The following RNF40 variants were observed in gnomAD, a reference collection of about 807,000 sequenced individuals.
The protein encoded by RNF40 is ring finger protein 40.
RNF40 carries 39 observed loss-of-function variants against 123.3 expected under a neutral mutation model. The observed-to-expected ratio is 0.32, with a 90% CI of 0.24 to 0.41. RNF40 has a LOEUF of 0.41. Ranked by LOEUF, RNF40 falls within the 10% of genes least tolerant of loss-of-function variation. RNF40 has a pLI of 1.00. For synonymous variants in RNF40, 538 were observed against 526.0 expected (o/e 1.02, Z -0.31); for missense variants, 1,003 against 1,319.9 (o/e 0.76, Z 3.72).
Position 30,775,178 on chromosome 16 carries a change from C to T in RNF40, c.*1064C>T, listed in dbSNP as rs1596768494. The T allele has an allele frequency of 2.8e-6, 1 of 356,370 alleles. No individual in the cohort carries two copies. The highest frequency in any genetic ancestry group is 5.5e-6 in the Non-Finnish European group (1 of 180,222). The allele number at this position is 356,370 out of a possible 1,614,324, so 22.1% of individuals were successfully genotyped here. A position where few individuals can be genotyped will look rare whatever the true frequency, so the allele number is the denominator to read the frequency against. On this transcript the variant is annotated 3_prime_UTR_variant, in exon 20 of 20. Coordinates refer to ENST00000324685, the MANE Select transcript of RNF40 (RefSeq NM_014771.4). ...TAATTGTGATGAATAAACGTTCAAC[C>T]CTCGGCCTGCAGCCAGAGTAGCCAG...
chr16:30,772,259 G>A (rs2054161487), intron 19 of RNF40, 69 bp downstream of exon 19: 1 of 1,253,134 alleles, frequency 8.0e-7, no homozygotes, highest in African/African-American at 1.5e-5. Flanking sequence ...TGAGACTAGT[G>A]GAGAGTCTGG....
chr16:30,765,892 C>G (rs925779070), intron 8 of RNF40, among the ~76,000 whole-genome samples: 2 of 152,168 alleles, frequency 1.3e-5, no homozygotes, highest in African/African-American at 4.8e-5. Flanking sequence ...GGTCACTGTG[C>G]CCTTTTTCCC....
chr16:30,766,966 T>C lies in RNF40; in HGVS notation c.1429+90T>C, dbSNP rs1201892977. The stretch of plus-strand genomic sequence containing the variant: ...TGCTGCTTATCCAGATGCAAGAGGC[T>C]AAGGCCTTTTTTTTCACAGAGCCTC... On this transcript the variant is annotated intron_variant, in intron 11 of 19. Coordinates refer to ENST00000324685, the MANE Select transcript of RNF40 (RefSeq NM_014771.4). This position sits in a 1 kb window ranked among gnomAD's most constrained non-coding sequence, Gnocchi z 5.4. The C allele has an allele frequency of 1.7e-5, 26 of 1,486,616 alleles. No individual in the cohort carries two copies. The South Asian group carries it at 2.2e-4, about 13-fold the overall frequency. The allele number at this position is 1,486,616 out of a possible 1,614,324, so 92.1% of individuals were successfully genotyped here.
intron 4 of RNF40, 59 bp from the exon 5 acceptor site, chr16:30,764,120 G>A: frequency 7.0e-7 from 1 of 1,431,840 alleles, no homozygotes; most frequent in Non-Finnish European, 9.6e-7. Context: ...CTGGAACTTG[G>A]TACAGAGTGG....
chr16:30,768,007 A>G lies in RNF40; in HGVS notation c.1543A>G (p.Ile515Val). 2 of 1,614,246 alleles carry G rather than the reference A, an allele frequency of 1.2e-6. No homozygotes were observed. The highest frequency in any genetic ancestry group is 1.1e-5 in the South Asian group (1 of 91,088). The change falls in exon 12 of 20, where the codon ATT (isoleucine) becomes GTT (valine). Residue 515 changes from isoleucine (I) to valine (V), a missense_variant. Transcript: ENST00000324685. The surrounding 1 kb of genome is among the most constrained non-coding windows in gnomAD (Gnocchi z 4.1). ...GAAGCTTCGAGAAGTACAAGCTGAGATTGGCAAGGTGAGAAGGGGCCTGCC... is the reference window on the plus strand; with the variant it reads ...GAAGCTTCGAGAAGTACAAGCTGAGGTTGGCAAGGTGAGAAGGGGCCTGCC... Reference protein sequence around the residue: ...KRKLREVQAEIGKLRAQASGS... With the variant: ...KRKLREVQAEVGKLRAQASGS...
intron 19 of RNF40, chr16:30,772,417 C>A (rs186619652): frequency 2.2e-4 from 137 of 617,060 alleles, no homozygotes; most frequent in Admixed American, 5.8e-4. Context: ...TGGTCTCTGA[C>A]TTCTTGAAAC....
chr16:30,763,666 A>C, intron 4 of RNF40, 107 bp downstream of exon 4: 11 of 1,178,390 alleles, frequency 9.3e-6, no homozygotes, highest in Non-Finnish European at 1.3e-5. Flanking sequence ...ACTACTTCTC[A>C]CGAAATGGAT....
At chr16:30,762,892 A>G (rs1288753395) in intron 2 of RNF40, among the ~76,000 whole-genome samples, 2 of 152,242 alleles carry the variant, frequency 1.3e-5, no homozygotes, top group Non-Finnish European at 2.9e-5. Flanking sequence ...TGACTTGTCA[A>G]AGACTAAGGA....
In RNF40 at chr16:30,762,344, G is replaced by C; in HGVS notation, c.-88G>C. On this transcript the variant is annotated 5_prime_UTR_variant, in exon 1 of 20. Transcript: ENST00000324685. ...GGTGAAATCCAAGATGGCGGCGCTA[G>C]GCTGACCCTCCTGCTGGTGAGGGCT... The C allele has an allele frequency of 1.8e-6, 1 of 549,970 alleles. No homozygotes were observed. Among genetic ancestry groups the C allele is most frequent in the Non-Finnish European group, 3.1e-6 (1 of 324,762 alleles). The allele number at this position is 549,970 out of a possible 1,614,324, so 34.1% of individuals were successfully genotyped here.
intron 3 of RNF40, 30 bp downstream of exon 3, chr16:30,763,315 C>A: frequency 1.2e-6 from 2 of 1,611,438 alleles, no homozygotes; most frequent in East Asian, 4.5e-5. Flanking sequence ...AAAGACCAGG[C>A]CTTGATTCAG....
At chr16:30,763,328 G>A (rs1447370343) in intron 3 of RNF40, 43 bp downstream of exon 3, 2 of 1,610,356 alleles carry the variant, frequency 1.2e-6, no homozygotes, top group Non-Finnish European at 1.7e-6. Context: ...TGATTCAGCT[G>A]CCAATCCCCA....
chr16:30,762,525 A>C lies in RNF40; in HGVS notation c.-21A>C. On this transcript the variant is annotated 5_prime_UTR_variant, in exon 2 of 20. Transcript: ENST00000324685. ...TTTGACGCCCCTCAGGGGACCCTGCATCGCTCCAGCCGCCGCGGCCATGTC... is the reference window on the plus strand; with the variant it reads ...TTTGACGCCCCTCAGGGGACCCTGCCTCGCTCCAGCCGCCGCGGCCATGTC... 5 of 1,577,266 alleles carry C rather than the reference A, an allele frequency of 3.2e-6. No individual in the cohort carries two copies. The highest frequency in any genetic ancestry group is 4.3e-6 in the Non-Finnish European group (5 of 1,171,956).
At chr16:30,769,442 G>A in intron 16 of RNF40, 33 bp from the exon 17 acceptor site, 1 of 1,614,156 alleles carries the variant, frequency 6.2e-7, no homozygotes, top group Non-Finnish European at 8.5e-7. Context: ...GAGAGGTGGG[G>A]GTCATGGCCC....
At position 30,772,308 on chromosome 16, in the gene RNF40, G is replaced by A. The variant is rs750746427; in HGVS notation, c.2829+118G>A. ...AATGTAGGGCAGCAGAAAGTGGGCA[G>A]CACAGTGGTCACAGAGTCAAATGCT... On this transcript the variant is annotated intron_variant, in intron 19 of 19. Transcript: ENST00000324685. The A allele has an allele frequency of 5.1e-5, 42 of 820,770 alleles. 1 individual carries two copies. In the South Asian group the frequency reaches 5.8e-4, roughly 11 times the overall value. 50.8% of individuals were successfully genotyped at this position (820,770 alleles called of 1,614,324 possible).
At chr16:30,769,695 T>G in intron 17 of RNF40, 95 bp downstream of exon 17, 1 of 1,369,316 alleles carries the variant, frequency 7.3e-7, no homozygotes, top group Non-Finnish European at 9.7e-7. Flanking sequence ...TAGCCTGAGG[T>G]GAAGCCAGGC....
chr16:30,762,635 G>A lies in RNF40; in HGVS notation c.90G>A (p.Thr30=). ...TGAGTCGTGAGGAGAAGACCACCAC[G>A]ACTCTTATCGAGCCCATTCGTCTTG... is the stretch of plus-strand genomic sequence containing the variant. ...KKLSREEKTT[T]TLIEPIRLGG... is the part of the protein sequence containing the mutation. The change falls in exon 2 of 20, where the codon ACG becomes ACA. Residue 30 remains threonine (T), a synonymous_variant. Coordinates refer to ENST00000324685, the MANE Select transcript of RNF40 (RefSeq NM_014771.4). 6.3e-7 allele frequency: 1 copy of A among 1,597,962 alleles called. No homozygotes were observed. The highest frequency in any genetic ancestry group is 8.5e-7 in the Non-Finnish European group (1 of 1,171,758).
Position 30,768,541 on chromosome 16 carries a change from G to T in RNF40, c.1979+11G>T. 1 of 1,613,222 alleles carries T rather than the reference G, an allele frequency of 6.2e-7. No homozygotes were observed. The highest frequency in any genetic ancestry group is 8.5e-7 in the Non-Finnish European group (1 of 1,179,354). ...CCGAGCAGAGCTCAAGTGAGGCTCT[G>T]TTCCTGTCTCCTTCCTGACCCTGCC... On this transcript the variant is annotated intron_variant, in intron 13 of 19. Transcript: ENST00000324685. This position sits in a 1 kb window ranked among gnomAD's most constrained non-coding sequence, Gnocchi z 4.1.
At chr16:30,773,324 A>G (rs1189752837) in intron 19 of RNF40, among the ~76,000 whole-genome samples, 1 of 152,018 alleles carries the variant, frequency 6.6e-6, no homozygotes, top group East Asian at 1.9e-4. Flanking sequence ...GGGAGACAGG[A>G]GTGATGGCAG....
At chr16:30,771,011 A>G (rs1381603952) in intron 17 of RNF40, among the ~76,000 whole-genome samples, 1 of 152,034 alleles carries the variant, frequency 6.6e-6, no homozygotes, top group Non-Finnish European at 1.5e-5. Context: ...TGCTTGGCCC[A>G]TTTAAGCAGC....
Sources: allele counts gnomAD v4.1 joint callset (sites outside exome capture counted in the v4.1 genomes callset), GRCh38; gene constraint gnomAD v4.1.1; non-coding constraint Gnocchi (gnomAD v3.1); transcripts MANE v1.5; gene names NCBI Gene and HGNC (gene_info 2026-07-23, HGNC 2026-07-21).